The following KCNT2 variants were observed in gnomAD, a reference collection of about 807,000 sequenced individuals.
The protein encoded by KCNT2 is potassium sodium-activated channel subfamily T member 2.
A neutral mutation model predicts 153.8 loss-of-function variants in KCNT2; 67 were observed. The ratio of observed to expected loss-of-function variants is 0.44; its 90% confidence interval spans 0.36 to 0.53. KCNT2 has a LOEUF of 0.53. Among genes scored for constraint, KCNT2 ranks in the 20% least tolerant of loss-of-function variants. The probability of loss-of-function intolerance (pLI) is 0.00; values close to 1 mark genes in which losing one functional copy is unlikely to be tolerated. For missense variants in KCNT2, 975 were observed against 1,354.8 expected (o/e 0.72, Z 4.40); for synonymous variants, 500 against 458.8 (o/e 1.09, Z -1.15).
intron 1 of KCNT2, among the ~76,000 whole-genome samples, chr1:196,522,804 T>C (rs1223718620): frequency 6.6e-6 from 1 of 151,892 alleles, no homozygotes; most frequent in Non-Finnish European, 1.5e-5. Flanking sequence ...AATCAGCATG[T>C]TGTGTCTAGG....
At chr1:196,587,646 CA>C (rs1367431163) in intron 1 of KCNT2, among the ~76,000 whole-genome samples, 1 of 151,926 alleles carries the variant, frequency 6.6e-6, no homozygotes, top group African/African-American at 2.4e-5. Context: ...AATCTATAGA[CA>C]TATTTTTATG....
intron 27 of KCNT2, among the ~76,000 whole-genome samples, chr1:196,230,681 C>T (rs1653874378): frequency 6.6e-6 from 1 of 151,910 alleles, no homozygotes; most frequent in South Asian, 2.1e-4. Flanking sequence ...AGCAAGATAA[C>T]TAGAATTAGA....
At chr1:196,501,566 A>G (rs1398001010) in intron 1 of KCNT2, among the ~76,000 whole-genome samples, 1 of 152,176 alleles carries the variant, frequency 6.6e-6, no homozygotes, top group Non-Finnish European at 1.5e-5. Context: ...ATACAGAATG[A>G]AAAACAAGAA....
chr1:196,537,013 C>T lies in KCNT2; in HGVS notation c.96-44672G>A, dbSNP rs1206492087. 2.0e-5 allele frequency among the ~76,000 whole-genome samples: 3 copies of T among 152,180 alleles called. No individual in the cohort carries two copies. The East Asian group carries it at 5.8e-4, about 29-fold the overall frequency. On this transcript the variant is annotated intron_variant, in intron 1 of 27. Coordinates refer to ENST00000294725, the MANE Select transcript of KCNT2 (RefSeq NM_198503.5). ...AATAGCCTACTGGTATTCCCAGGTG[C>T]TCCATGCACTGCCGTAGGCCTCAGC...
At chr1:196,480,999 C>T (rs566049061) in intron 4 of KCNT2, among the ~76,000 whole-genome samples, 28 of 149,940 alleles carry the variant, frequency 1.9e-4, no homozygotes, top group African/African-American at 6.9e-4. Flanking sequence ...TAAATGTGCA[C>T]TTAATTGAAG....
chr1:196,520,211 G>T (rs1254771973), intron 1 of KCNT2, among the ~76,000 whole-genome samples: 1 of 151,952 alleles, frequency 6.6e-6, no homozygotes, highest in African/African-American at 2.4e-5. Context: ...AAAACCACAT[G>T]ATCATCTCAA....
At chr1:196,604,646 T>C (rs1665114139) in intron 1 of KCNT2, among the ~76,000 whole-genome samples, 1 of 151,964 alleles carries the variant, frequency 6.6e-6, no homozygotes, top group Admixed American at 6.6e-5. Context: ...AGAGTGCAAA[T>C]GAGAGAGAAG....
chr1:196,375,775 G>C (rs928828592), intron 13 of KCNT2, among the ~76,000 whole-genome samples: 1 of 151,630 alleles, frequency 6.6e-6, no homozygotes, highest in Non-Finnish European at 1.5e-5. Flanking sequence ...CTGGATCAGA[G>C]AAAATAACCA....
chr1:196,295,724 C>T (rs1454022522), intron 22 of KCNT2, among the ~76,000 whole-genome samples: 2 of 151,900 alleles, frequency 1.3e-5, no homozygotes, highest in Non-Finnish European at 2.9e-5. Flanking sequence ...TACAAACCAT[C>T]ATTCAAGATA....
At chr1:196,451,378 C>A (rs1176588886) in intron 8 of KCNT2, among the ~76,000 whole-genome samples, 1 of 142,804 alleles carries the variant, frequency 7.0e-6, no homozygotes, top group Non-Finnish European at 1.5e-5. Context: ...GTAGCTGGAA[C>A]TACAGACGTG....
At chr1:196,586,795 T>G (rs1351137459) in intron 1 of KCNT2, among the ~76,000 whole-genome samples, 1 of 152,126 alleles carries the variant, frequency 6.6e-6, no homozygotes, top group Non-Finnish European at 1.5e-5. Context: ...AAACTATATA[T>G]TCTTCGTGTT....
chr1:196,333,777 T>TGTAA, intron 17 of KCNT2, 70 bp downstream of exon 17: 1 of 867,540 alleles, frequency 1.2e-6, no homozygotes, highest in Admixed American at 2.0e-5. Flanking sequence ...TGGGAAGGTA[T>TGTAA]GTAAAGAAAA....
chr1:196,560,111 T>A (rs1271477620), intron 1 of KCNT2, among the ~76,000 whole-genome samples: 1 of 151,890 alleles, frequency 6.6e-6, no homozygotes, highest in Non-Finnish European at 1.5e-5. Flanking sequence ...AAATGCTTGC[T>A]TTGCATCCAG....
chr1:196,304,598 T>A (rs1198790959), intron 22 of KCNT2, among the ~76,000 whole-genome samples: 1 of 152,118 alleles, frequency 6.6e-6, no homozygotes, highest in East Asian at 1.9e-4. Context: ...TATTTAGTAG[T>A]AAGTAAAAGC....
At chr1:196,431,085 G>T (rs925053172) in intron 8 of KCNT2, among the ~76,000 whole-genome samples, 1 of 152,084 alleles carries the variant, frequency 6.6e-6, no homozygotes, top group African/African-American at 2.4e-5. Context: ...GTGAAGACAC[G>T]CCACAATGCG....
At chr1:196,580,341 G>A (rs1661880964) in intron 1 of KCNT2, among the ~76,000 whole-genome samples, 1 of 152,106 alleles carries the variant, frequency 6.6e-6, no homozygotes, top group African/African-American at 2.4e-5. Context: ...AGTGGGAGGG[G>A]AGGGAGTTCC....
At chr1:196,313,808 C>A (rs1173343433) in intron 21 of KCNT2, among the ~76,000 whole-genome samples, 4 of 151,468 alleles carry the variant, frequency 2.6e-5, no homozygotes, top group African/African-American at 9.7e-5. Context: ...TTTAATAGTT[C>A]TTTTGAAAAA....
chr1:196,378,442 G>C (rs181292597), intron 13 of KCNT2, among the ~76,000 whole-genome samples: 2 of 151,964 alleles, frequency 1.3e-5, no homozygotes, highest in Admixed American at 6.6e-5. Context: ...ATGAAACTTG[G>C]AGTATTTGTC....
At chr1:196,574,874 T>C (rs1439597527) in intron 1 of KCNT2, among the ~76,000 whole-genome samples, 3 of 152,062 alleles carry the variant, frequency 2.0e-5, no homozygotes, top group African/African-American at 7.2e-5. Context: ...AAGCAGAGTT[T>C]TGAGTCTCTC....
Sources: allele counts gnomAD v4.1 joint callset (sites outside exome capture counted in the v4.1 genomes callset), GRCh38; gene constraint gnomAD v4.1.1; transcripts MANE v1.5; gene names NCBI Gene and HGNC (gene_info 2026-07-23, HGNC 2026-07-21).